The following TCFL5 variants were observed in gnomAD, a reference collection of about 807,000 sequenced individuals.
TCFL5 encodes transcription factor-like 5 protein.
In TCFL5, 9 loss-of-function variants were observed where a neutral mutation model predicts 44.3. That is an observed-to-expected ratio of 0.20 (90% CI 0.12 to 0.35). The LOEUF is 0.35. Ranked by LOEUF, TCFL5 falls within the 10% of genes least tolerant of loss-of-function variation. The pLI, the probability that TCFL5 is intolerant of heterozygous loss-of-function variation, is 1.00. For synonymous variants in TCFL5, 319 were observed against 271.6 expected, an observed-to-expected ratio of 1.17 and a Z score of -1.72; for missense variants, 603 against 613.4, an observed-to-expected ratio of 0.98 and a Z score of 0.18.
At chr20:62,856,745 T>A (rs56276627) in intron 4 of TCFL5, among the ~76,000 whole-genome samples, 1 of 148,668 alleles carries the variant, frequency 6.7e-6, no homozygotes, top group Non-Finnish European at 1.5e-5. Flanking sequence ...CAAAACTTGC[T>A]GAACTCAAGC....
Position 62,861,341 on chromosome 20 carries a change from G to A in TCFL5, c.330C>T (p.Cys110=). The A allele has an allele frequency of 8.9e-7, 1 of 1,124,448 alleles. No homozygotes were observed. The allele number at this position is 1,124,448 out of a possible 1,614,324, so 69.7% of individuals were successfully genotyped here. A position where few individuals can be genotyped will look rare whatever the true frequency, so the allele number is the denominator to read the frequency against. The change falls in exon 1 of 6, where the codon TGC becomes TGT. Residue 110 remains cysteine, a synonymous_variant. Coordinates refer to ENST00000335351, the MANE Select transcript of TCFL5 (RefSeq NM_006602.4). The surrounding 1 kb of genome is among the most constrained non-coding windows in gnomAD (Gnocchi z 4.0). ...GCGCGTCGGCCGCCAGCGCGGACGG[G>A]CACAGCACGGGGTACACGGGCGCCG... ...GGAAPVYPVL[C]PSALAADAPC... is the part of the protein sequence containing the mutation.
At chr20:62,859,901 G>A (rs1019781050) in intron 2 of TCFL5, among the ~76,000 whole-genome samples, 3 of 151,828 alleles carry the variant, frequency 2.0e-5, no homozygotes, top group Admixed American at 6.6e-5. Context: ...TTCGTACGGG[G>A]TTTCACCATG....
At chr20:62,847,784 C>T (rs73613595) in intron 5 of TCFL5, among the ~76,000 whole-genome samples, 3 of 152,024 alleles carry the variant, frequency 2.0e-5, no homozygotes, top group African/African-American at 4.8e-5. Flanking sequence ...CCGAGGCGGG[C>T]GGATCACCTG....
chr20:62,854,468 C>T (rs1342052199), intron 4 of TCFL5, among the ~76,000 whole-genome samples: 1 of 152,228 alleles, frequency 6.6e-6, no homozygotes, highest in Non-Finnish European at 1.5e-5. Flanking sequence ...GGGATGGCTC[C>T]AAAGCCCCTG....
intron 3 of TCFL5, 116 bp from the exon 4 acceptor site, chr20:62,857,754 G>A: frequency 3.2e-6 from 4 of 1,267,512 alleles, no homozygotes; most frequent in Non-Finnish European, 4.3e-6. Context: ...AAGCAGCACA[G>A]AGAACCGAAA....
chr20:62,854,746 C>G (rs1158013191), intron 4 of TCFL5, among the ~76,000 whole-genome samples: 3 of 152,196 alleles, frequency 2.0e-5, no homozygotes, highest in East Asian at 3.8e-4. Flanking sequence ...TAAACTTTTA[C>G]ATATTACATT....
chr20:62,848,970 C>A (rs1416835375), intron 5 of TCFL5, among the ~76,000 whole-genome samples: 1 of 151,790 alleles, frequency 6.6e-6, no homozygotes, highest in Non-Finnish European at 1.5e-5. Flanking sequence ...GAGTTTGAGA[C>A]CAGCCTGGCC....
In TCFL5 at chr20:62,861,052, G is replaced by T; in HGVS notation, c.619C>A (p.Pro207Thr). The T allele has an allele frequency of 1.0e-6, 1 of 995,294 alleles. No homozygotes were observed. The highest frequency in any genetic ancestry group is 1.1e-4 in the East Asian group (1 of 9,122). The allele number at this position is 995,294 out of a possible 1,614,324, so 61.7% of individuals were successfully genotyped here. ...TTGAGCGCCCCGCCCGGCTCGGGGG[G>T]CTCGGGGCCGCGCGGCGCGGGCGGC... ...EPPPAPRGPE[P>T]PEPGGALNNL... The change falls in exon 1 of 6, where the codon CCC becomes ACC. Residue 207 changes from proline (P) to threonine (T), a missense_variant. Physicochemically the swap from Pro to Thr is conservative, Grantham distance 38. Coordinates refer to ENST00000335351, the MANE Select transcript of TCFL5 (RefSeq NM_006602.4). This position sits in a 1 kb window ranked among gnomAD's most constrained non-coding sequence, Gnocchi z 4.0.
intron 1 of TCFL5, 125 bp from the exon 2 acceptor site, chr20:62,860,433 T>C (rs746727761): frequency 2.1e-5 from 17 of 818,348 alleles, no homozygotes; most frequent in African/African-American, 1.0e-4. Context: ...TGGAAATCTC[T>C]ACACAACAAT....
chr20:62,845,319 C>T, intron 5 of TCFL5: 1 of 920,718 alleles, frequency 1.1e-6, no homozygotes, highest in Non-Finnish European at 1.4e-6. Flanking sequence ...ACGGGGGTCA[C>T]ACCGTATTGG....
At chr20:62,847,148 A>G (rs2063754486) in intron 5 of TCFL5, among the ~76,000 whole-genome samples, 1 of 151,524 alleles carries the variant, frequency 6.6e-6, no homozygotes, top group Non-Finnish European at 1.5e-5. Flanking sequence ...GCGCCATTAC[A>G]CGGCAGCCTG....
intron 5 of TCFL5, chr20:62,851,644 A>T: frequency 1.0e-6 from 1 of 985,458 alleles, no homozygotes; most frequent in Non-Finnish European, 1.2e-6. Flanking sequence ...TAAATGTATA[A>T]TGTAAATAAA....
chr20:62,857,455 C>T lies in TCFL5; in HGVS notation c.1178G>A (p.Gly393Glu). The T allele has an allele frequency of 6.2e-7, 1 of 1,614,218 alleles. No homozygotes were observed. Among genetic ancestry groups the T allele is most frequent in the Non-Finnish European group, 8.5e-7 (1 of 1,180,034 alleles). Residue 393 changes from glycine to glutamate, a missense_variant, in exon 4 of 6, where the codon GGG becomes GAG. Around this residue, in one of 4 missense-constraint regions of TCFL5, gnomAD observed 540 missense variants for 478.7 expected, o/e 1.13. Transcript: ENST00000335351. Reference sequence around the variant, plus strand: ...ACGTTGAGACCTTCCTCCCTGGGGCCCACTCTGGGCCTGCTCCCCCAGGTT... The same window carrying T: ...ACGTTGAGACCTTCCTCCCTGGGGCTCACTCTGGGCCTGCTCCCCCAGGTT... The part of the protein sequence containing the change: ...QANLGEQAQS[G>E]PQGGRSQRRE...
Position 62,859,263 on chromosome 20 carries a change from G to A in TCFL5, c.994+101C>T, listed in dbSNP as rs1354351621. ...ACACCTCCAAGACTGTTTCACATGTGTACAAACCATCTGTCTCCCCTGCCC... is the reference window on the plus strand; with the variant it reads ...ACACCTCCAAGACTGTTTCACATGTATACAAACCATCTGTCTCCCCTGCCC... On this transcript the variant is annotated intron_variant, in intron 3 of 5. Transcript: ENST00000335351. 6.6e-6 allele frequency: 8 copies of A among 1,204,058 alleles called. No homozygotes were observed. In the East Asian group the frequency reaches 1.9e-4, roughly 28 times the overall value. 74.6% of individuals were successfully genotyped at this position (1,204,058 alleles called of 1,614,324 possible).
intron 5 of TCFL5, chr20:62,852,686 A>G (rs1243547511): frequency 1.4e-5 from 14 of 985,208 alleles, no homozygotes; most frequent in Non-Finnish European, 1.7e-5. Context: ...CCCGGTCCAC[A>G]GAAGTACAGT....
chr20:62,843,621 A>T (rs2063703804), intron 5 of TCFL5, among the ~76,000 whole-genome samples: 1 of 152,206 alleles, frequency 6.6e-6, no homozygotes, highest in Non-Finnish European at 1.5e-5. Flanking sequence ...ATAGCATAAA[A>T]TTTGCCTTTT....
rs1480336474 is a variant in TCFL5, at chr20:62,842,795, T to C, written c.1381-698A>G. On this transcript the variant is annotated intron_variant, in intron 5 of 5. Coordinates refer to ENST00000335351, the MANE Select transcript of TCFL5 (RefSeq NM_006602.4). The surrounding 1 kb of genome is among the most constrained non-coding windows in gnomAD (Gnocchi z 4.3). ...ATAAATTTTTAAAAAGTTTCAACAA[T>C]TAACAAGTCAGGGGCATCTACCCCC... is the stretch of plus-strand genomic sequence containing the variant. Among the ~76,000 whole-genome samples, 1 of 152,160 alleles carries C rather than the reference T, an allele frequency of 6.6e-6. No homozygotes were observed. The highest frequency in any genetic ancestry group is 2.4e-5 in the African/African-American group (1 of 41,436).
chr20:62,850,619 C>G (rs1160963475), intron 5 of TCFL5, among the ~76,000 whole-genome samples: 1 of 152,176 alleles, frequency 6.6e-6, no homozygotes, highest in African/African-American at 2.4e-5. Flanking sequence ...CCCAGCCCAG[C>G]TCCTACTCCC....
chr20:62,844,561 G>GA (rs2063715761), intron 5 of TCFL5, among the ~76,000 whole-genome samples: 2 of 138,876 alleles, frequency 1.4e-5, no homozygotes, highest in Non-Finnish European at 3.1e-5. Flanking sequence ...TTTTTTTTCT[G>GA]TTTTTTTTTG....
Sources: gnomAD v4.1 joint callset for allele counts (sites outside exome capture counted in the v4.1 genomes callset) on GRCh38, gnomAD v4.1.1 for gene constraint, gnomAD v4.1.1 regional missense constraint, Gnocchi (gnomAD v3.1) non-coding constraint, MANE v1.5 for transcripts, NCBI Gene and HGNC (gene_info 2026-07-23, HGNC 2026-07-21) for gene names.